The following CHRM3 variants were observed in gnomAD, a reference collection of about 807,000 sequenced individuals.
CHRM3 encodes muscarinic acetylcholine receptor M3.
CHRM3 carries 11 observed loss-of-function variants against 41.8 expected under a neutral mutation model. The ratio of observed to expected loss-of-function variants is 0.26; its 90% CI spans 0.17 to 0.44. The LOEUF is 0.44. CHRM3 is among the 20% of genes least tolerant of loss of function. CHRM3 has a pLI of 1.00. For synonymous variants in CHRM3, 297 were observed against 301.4 expected (o/e 0.99, Z 0.15); for missense variants, 571 against 745.4 (o/e 0.77, Z 2.72).
intron 5 of CHRM3, among the ~76,000 whole-genome samples, chr1:239,694,511 T>G (rs1367096306): frequency 6.6e-6 from 1 of 152,252 alleles, no homozygotes; most frequent in Non-Finnish European, 1.5e-5. Context: ...CAGAAAGTGC[T>G]TATGAAATGT....
In CHRM3 at chr1:239,913,218, A is replaced by C. The variant is rs1680460155; in HGVS notation, c.*3994A>C. Reference sequence around the variant, plus strand: ...CCGGAGTAGTATGGTTTCAAATACCACTCCAACCCAGCACCTGAGGTCGGG... The same window carrying C: ...CCGGAGTAGTATGGTTTCAAATACCCCTCCAACCCAGCACCTGAGGTCGGG... On this transcript the variant is annotated 3_prime_UTR_variant, in exon 7 of 7. Transcript: ENST00000676153. 1 of 166,914 alleles carries C rather than the reference A, an allele frequency of 6.0e-6. No homozygotes were observed. Among genetic ancestry groups the C allele is most frequent in the African/African-American group, 2.4e-5 (1 of 41,398 alleles). 10.3% of individuals were successfully genotyped at this position (166,914 alleles called of 1,614,324 possible). A position where few individuals can be genotyped will look rare whatever the true frequency, so the allele number is the denominator to read the frequency against.
intron 5 of CHRM3, among the ~76,000 whole-genome samples, chr1:239,688,181 A>T (rs1659328393): frequency 1.5e-5 from 2 of 134,930 alleles, no homozygotes; most frequent in Non-Finnish European, 3.4e-5. Context: ...TATATATAAT[A>T]TACACATACA....
Position 239,387,784 on chromosome 1 carries a change from G to A in CHRM3, c.-521+557G>A, listed in dbSNP as rs1295807959. 1.3e-5 allele frequency among the ~76,000 whole-genome samples: 2 copies of A among 152,130 alleles called. No individual in the cohort carries two copies. The highest frequency in any genetic ancestry group is 2.4e-5 in the African/African-American group (1 of 41,430). ...CCGCAAGTTCGGATTGCATTTCAGG[G>A]GGCGAGAAGGCAAATTTGGCACTTC... On this transcript the variant is annotated intron_variant, in intron 1 of 6. Transcript: ENST00000676153. This position sits in a 1 kb window ranked among gnomAD's most constrained non-coding sequence, Gnocchi z 5.1.
intron 1 of CHRM3, among the ~76,000 whole-genome samples, chr1:239,473,102 T>G (rs1418199842): frequency 6.6e-6 from 1 of 152,048 alleles, no homozygotes; most frequent in Non-Finnish European, 1.5e-5. Flanking sequence ...TTAGTCCATT[T>G]CCTCAAACCA....
In CHRM3 at chr1:239,859,658, C is replaced by T. The variant is rs142508854; in HGVS notation, c.-20+32280C>T. 3.7e-4 allele frequency among the ~76,000 whole-genome samples: 56 copies of T among 151,190 alleles called. 1 individual carries two copies. The East Asian group carries it at 5.6e-3, about 15-fold the overall frequency. ...TTCAAACTCCTGACCTCAAGTGATC[C>T]GCCTGCCTCAGCCTCCCAAATTGCT... is the stretch of plus-strand genomic sequence containing the variant. On this transcript the variant is annotated intron_variant, in intron 6 of 6. Transcript: ENST00000676153.
chr1:239,663,204 C>T (rs1445237372), intron 4 of CHRM3, among the ~76,000 whole-genome samples: 1 of 152,016 alleles, frequency 6.6e-6, no homozygotes, highest in Non-Finnish European at 1.5e-5. Flanking sequence ...ACCTGCTTTG[C>T]ATGTCTCTGC....
At chr1:239,536,095 C>T (rs1658170829) in intron 2 of CHRM3, among the ~76,000 whole-genome samples, 1 of 152,116 alleles carries the variant, frequency 6.6e-6, no homozygotes, top group Non-Finnish European at 1.5e-5. Context: ...GATGTTGCCC[C>T]AAATTCCATC....
chr1:239,727,053 C>A (rs1271006526), intron 5 of CHRM3, among the ~76,000 whole-genome samples: 1 of 151,830 alleles, frequency 6.6e-6, no homozygotes, highest in Non-Finnish European at 1.5e-5. Context: ...ACAATTTTCT[C>A]ATGTGTATTA....
chr1:239,781,421 A>C (rs1668502565), intron 5 of CHRM3, among the ~76,000 whole-genome samples: 1 of 152,206 alleles, frequency 6.6e-6, no homozygotes, highest in Non-Finnish European at 1.5e-5. Context: ...CAGGAAAGCA[A>C]TGGACTGTTG....
intron 1 of CHRM3, among the ~76,000 whole-genome samples, chr1:239,461,609 GA>G (rs960789299): frequency 3.3e-5 from 5 of 151,176 alleles, no homozygotes; most frequent in South Asian, 2.1e-4. Flanking sequence ...TATACGCAAA[GA>G]AAAAAAAATT....
chr1:239,487,620 G>A (rs921149784), intron 1 of CHRM3, among the ~76,000 whole-genome samples: 4 of 152,076 alleles, frequency 2.6e-5, no homozygotes, highest in African/African-American at 9.7e-5. Flanking sequence ...ATTTGGTATT[G>A]TGAAAATGTC....
At chr1:239,886,452 TTCTG>T (rs1209298338) in intron 6 of CHRM3, 1 of 152,210 alleles carries the variant, frequency 6.6e-6, no homozygotes, top group Non-Finnish European at 1.5e-5. Context: ...GGGCCAGCTC[TTCTG>T]TCTTATTATC....
intron 1 of CHRM3, among the ~76,000 whole-genome samples, chr1:239,430,889 A>C (rs1190827894): frequency 6.6e-6 from 1 of 152,070 alleles, no homozygotes; most frequent in Non-Finnish European, 1.5e-5. Context: ...AAAACAGAAC[A>C]ATGTCTAAGG....
intron 2 of CHRM3, among the ~76,000 whole-genome samples, chr1:239,517,535 C>T (rs1054922047): frequency 6.6e-6 from 1 of 152,150 alleles, no homozygotes; most frequent in East Asian, 1.9e-4. Context: ...ATGGCTAATA[C>T]AGTTGATCCG....
At chr1:239,884,782 T>C (rs1288907280) in intron 6 of CHRM3, among the ~76,000 whole-genome samples, 2 of 152,230 alleles carry the variant, frequency 1.3e-5, no homozygotes, top group East Asian at 3.9e-4. Flanking sequence ...ATGTTAAATA[T>C]TACTCTTCAT....
At chr1:239,651,218 T>C (rs1672213870) in intron 4 of CHRM3, among the ~76,000 whole-genome samples, 1 of 152,214 alleles carries the variant, frequency 6.6e-6, no homozygotes, top group Non-Finnish European at 1.5e-5. Context: ...TGATGCTTAA[T>C]GATGGGAAGC....
At chr1:239,738,469 A>AG (rs1255214542) in intron 5 of CHRM3, among the ~76,000 whole-genome samples, 2 of 151,820 alleles carry the variant, frequency 1.3e-5, no homozygotes, top group Admixed American at 6.5e-5. Flanking sequence ...GGCCAGGCTC[A>AG]GGGGGGGTTT....
At chr1:239,703,737 G>A (rs1660892254) in intron 5 of CHRM3, 1 of 152,160 alleles carries the variant, frequency 6.6e-6, no homozygotes. Context: ...ACTGATATCA[G>A]TAAAGTTACT....
Position 239,560,686 on chromosome 1 carries a change from A to G in CHRM3, c.-313+14937A>G, listed in dbSNP as rs562732346. On this transcript the variant is annotated intron_variant, in intron 3 of 6. Coordinates refer to ENST00000676153, the MANE Select transcript of CHRM3 (RefSeq NM_001375978.1). ...AATATATATGTGTGTATATATATAT[A>G]TGTGTGTGTGTATATATATATCCTG... Among the ~76,000 whole-genome samples, 293 of 152,012 alleles carry G rather than the reference A, an allele frequency of 1.9e-3. 2 individuals carry two copies. Among genetic ancestry groups the G allele is most frequent in the Non-Finnish European group, 2.2e-3 (150 of 67,970 alleles).
Sources: allele counts gnomAD v4.1 joint callset (sites outside exome capture counted in the v4.1 genomes callset), GRCh38; gene constraint gnomAD v4.1.1; non-coding constraint Gnocchi (gnomAD v3.1); transcripts MANE v1.5; gene names NCBI Gene and HGNC (gene_info 2026-07-23, HGNC 2026-07-21).